The following DPP6 variants were observed in gnomAD, a reference collection of about 807,000 sequenced individuals.
The protein encoded by DPP6 is A-type potassium channel modulatory protein DPP6.
In DPP6, 69 loss-of-function variants were observed where a neutral mutation model predicts 122.6. That is an observed-to-expected ratio of 0.56 (90% CI 0.46 to 0.69). DPP6 has a LOEUF of 0.69. Among genes scored for constraint, DPP6 ranks in the 30% least tolerant of loss-of-function variants. The probability of loss-of-function intolerance (pLI) is 0.00; values close to 1 mark genes in which losing one functional copy is unlikely to be tolerated. For synonymous variants in DPP6, 418 were observed against 433.1 expected (o/e 0.97, Z 0.43); for missense variants, 928 against 1,116.9 (o/e 0.83, Z 2.41).
At chr7:154,600,975 C>G (rs1379398219) in intron 5 of DPP6, among the ~76,000 whole-genome samples, 2 of 120,366 alleles carry the variant, frequency 1.7e-5, no homozygotes, top group African/African-American at 5.3e-5. Context: ...CCTGTAATCC[C>G]AGCTACTTGG....
chr7:154,694,188 C>T (rs1312834575), intron 7 of DPP6, among the ~76,000 whole-genome samples: 3 of 152,156 alleles, frequency 2.0e-5, no homozygotes, highest in Non-Finnish European at 4.4e-5. Flanking sequence ...TAATCTCATT[C>T]GTGAGCGTTC....
At chr7:154,238,742 C>T (rs1293112631) in intron 1 of DPP6, among the ~76,000 whole-genome samples, 1 of 152,186 alleles carries the variant, frequency 6.6e-6, no homozygotes, top group Non-Finnish European at 1.5e-5. Flanking sequence ...TTTCTTTCTA[C>T]ATTTAAAACT....
intron 1 of DPP6, among the ~76,000 whole-genome samples, chr7:154,016,025 G>A (rs904668023): frequency 1.3e-5 from 2 of 152,066 alleles, no homozygotes; most frequent in African/African-American, 2.4e-5. Context: ...ATCGGCCCAC[G>A]TTCTATTCCT....
At chr7:153,773,299 GTGTA>G in the DPP6 span, among the ~76,000 whole-genome samples, 1 of 138,230 alleles carries the variant, frequency 7.2e-6, no homozygotes, top group Non-Finnish European at 1.5e-5. Context: ...GTGTCTGTGT[GTGTA>G]TGTGTATTTT....
chr7:154,668,977 T>G (rs1309063445), intron 6 of DPP6, among the ~76,000 whole-genome samples: 1 of 152,172 alleles, frequency 6.6e-6, no homozygotes, highest in African/African-American at 2.4e-5. Context: ...AAAATTATCT[T>G]CTAGGAGAAC....
intron 1 of DPP6, among the ~76,000 whole-genome samples, chr7:153,950,899 G>A (rs921043805): frequency 2.0e-5 from 3 of 152,282 alleles, no homozygotes; most frequent in Middle Eastern, 3.4e-3. Flanking sequence ...CATGTCTCGT[G>A]GAATGCAAGC....
intron 5 of DPP6, among the ~76,000 whole-genome samples, chr7:154,592,357 G>A (rs1169644817): frequency 6.6e-6 from 1 of 152,240 alleles, no homozygotes; most frequent in Admixed American, 6.5e-5. Context: ...TGAAATGTCA[G>A]CCTTTTGATT....
the DPP6 span, among the ~76,000 whole-genome samples, chr7:153,798,325 A>G: frequency 0.012 from 1,799 of 152,322 alleles, 31 homozygotes; most frequent in African/African-American, 0.041. Flanking sequence ...CAACAGCTAG[A>G]CAAAGAAGAG....
At chr7:153,970,855 A>G (rs1258077900) in intron 1 of DPP6, among the ~76,000 whole-genome samples, 1 of 152,152 alleles carries the variant, frequency 6.6e-6, no homozygotes, top group Non-Finnish European at 1.5e-5. Context: ...CTATTTGACT[A>G]CCTTTGCAAC....
rs74485282 is a variant in DPP6, at chr7:154,241,747, A to G, written c.243+188684A>G. Among the ~76,000 whole-genome samples the G allele has an allele frequency of 3.1e-3, 475 of 152,222 alleles. 1 individual carries two copies. The highest frequency in any genetic ancestry group is 3.1e-3 in the Non-Finnish European group (210 of 68,014). ...AACACGTGTCTAACCTGTTTCCCAT[A>G]TTATGTTTTAAGTTTAAAAAGATTG... On this transcript the variant is annotated intron_variant, in intron 1 of 25. Coordinates refer to ENST00000377770, the MANE Select transcript of DPP6 (RefSeq NM_130797.4). This position sits in a 1 kb window ranked among gnomAD's most constrained non-coding sequence, Gnocchi z 9.0.
chr7:154,222,166 G>A (rs1375101203), intron 1 of DPP6, among the ~76,000 whole-genome samples: 1 of 151,984 alleles, frequency 6.6e-6, no homozygotes, highest in African/African-American at 2.4e-5. Context: ...TTTCATCTTT[G>A]AGCCTTTGCT....
At chr7:154,840,815 C>T (rs747542722) in intron 16 of DPP6, among the ~76,000 whole-genome samples, 1 of 152,230 alleles carries the variant, frequency 6.6e-6, no homozygotes, top group Non-Finnish European at 1.5e-5. Context: ...GATTTAGAGG[C>T]TATTCTAGAG....
chr7:153,972,171 C>T (rs1796052699), intron 1 of DPP6, among the ~76,000 whole-genome samples: 1 of 151,162 alleles, frequency 6.6e-6, no homozygotes, highest in African/African-American at 2.4e-5. Flanking sequence ...AGGAAGCGTG[C>T]ATGAGAGAAA....
At chr7:153,850,937 A>G in the DPP6 span, among the ~76,000 whole-genome samples, 3 of 152,296 alleles carry the variant, frequency 2.0e-5, no homozygotes, top group Non-Finnish European at 2.9e-5. Context: ...CCCAGGAGGT[A>G]AGAATCCTGG....
At chr7:154,858,636 C>T (rs1184725978) in intron 17 of DPP6, 1 of 152,366 alleles carries the variant, frequency 6.6e-6, no homozygotes, top group East Asian at 1.9e-4. Context: ...CCTTCCACGT[C>T]ACAGGGAAGA....
the DPP6 span, among the ~76,000 whole-genome samples, chr7:153,832,311 A>G: frequency 1.3e-5 from 2 of 152,216 alleles, no homozygotes; most frequent in African/African-American, 4.8e-5. Flanking sequence ...TGCTGGTAAA[A>G]GGGATATGTC....
At chr7:154,841,201 C>T (rs947857541) in intron 16 of DPP6, among the ~76,000 whole-genome samples, 2 of 152,152 alleles carry the variant, frequency 1.3e-5, no homozygotes, top group Non-Finnish European at 2.9e-5. Flanking sequence ...GAAGTGGGGC[C>T]AGACACTCCA....
rs1047171823 is a variant in DPP6, at chr7:154,483,101, G to A, written c.457+8064G>A. On this transcript the variant is annotated intron_variant, in intron 3 of 25. Coordinates refer to ENST00000377770, the MANE Select transcript of DPP6 (RefSeq NM_130797.4). This position sits in a 1 kb window ranked among gnomAD's most constrained non-coding sequence, Gnocchi z 8.1. ...GCTCAGAGCCTCTCGGAGGGAAGAG[G>A]GGAAGAGGGACACGGAGGTGTCTGA... Among the ~76,000 whole-genome samples, 4 of 152,136 alleles carry A rather than the reference G, an allele frequency of 2.6e-5. No individual in the cohort carries two copies. The highest frequency in any genetic ancestry group is 4.4e-5 in the Non-Finnish European group (3 of 68,010).
chr7:154,507,591 C>T (rs909857414), intron 3 of DPP6, among the ~76,000 whole-genome samples: 2 of 152,136 alleles, frequency 1.3e-5, no homozygotes, highest in African/African-American at 4.8e-5. Flanking sequence ...ATTAGCAGGA[C>T]ATTCCAAACC....
Sources: allele counts gnomAD v4.1 joint callset (sites outside exome capture counted in the v4.1 genomes callset), GRCh38; gene constraint gnomAD v4.1.1; non-coding constraint Gnocchi (gnomAD v3.1); transcripts MANE v1.5; gene names NCBI Gene and HGNC (gene_info 2026-07-23, HGNC 2026-07-21).